Variants in PRKCQ observed in about 807,000 individuals in gnomAD.
PRKCQ encodes the protein protein kinase C theta.
PRKCQ carries 41 observed loss-of-function variants against 91.2 expected under a neutral mutation model. The ratio of observed to expected loss-of-function variants is 0.45; its 90% CI spans 0.35 to 0.58. PRKCQ has a LOEUF of 0.58. PRKCQ is among the 20% of genes least tolerant of loss of function. The pLI is 0.00. For synonymous variants in PRKCQ, 307 were observed against 316.9 expected, an observed-to-expected ratio of 0.97 and a Z score of 0.33; for missense variants, 673 against 896.5, an observed-to-expected ratio of 0.75 and a Z score of 3.18.
chr10:6,563,416 G>A (rs758763585), intron 1 of PRKCQ, among the ~76,000 whole-genome samples: 16 of 152,012 alleles, frequency 1.1e-4, no homozygotes, highest in Non-Finnish European at 1.8e-4. Flanking sequence ...TCCATGGCCC[G>A]TCCTGATGTT....
At chr10:6,448,775 TAATA>T (rs1834471353) in intron 15 of PRKCQ, among the ~76,000 whole-genome samples, 1 of 152,088 alleles carries the variant, frequency 6.6e-6, no homozygotes, top group Non-Finnish European at 1.5e-5. Context: ...TTTGTAGTAT[TAATA>T]AATATAGTTC....
chr10:6,542,063 G>C (rs2130917914), intron 1 of PRKCQ, among the ~76,000 whole-genome samples: 1 of 152,328 alleles, frequency 6.6e-6, no homozygotes, highest in South Asian at 2.1e-4. Context: ...AGAAGCCTGG[G>C]ATGCACACAT....
intron 1 of PRKCQ, among the ~76,000 whole-genome samples, chr10:6,545,935 T>G (rs111276809): frequency 5.9e-5 from 9 of 151,308 alleles, no homozygotes; most frequent in African/African-American, 2.2e-4. Flanking sequence ...ACCCAGGAGG[T>G]GGAGGTTGCA....
At position 6,485,195 on chromosome 10, in the gene PRKCQ, T is replaced by C; in HGVS notation, c.975A>G (p.Lys325=). Residue 325 remains lysine, a synonymous_variant, in exon 10 of 18, where the codon AAA becomes AAG. Transcript: ENST00000263125. Reference sequence around the variant, plus strand: ...GTAAACATGGCGGCCTTGCTTCATTTTTGATGGAGCATGGGAGACCAATTT... The same window carrying C: ...GTAAACATGGCGGCCTTGCTTCATTCTTGATGGAGCATGGGAGACCAATTT... The part of the protein sequence containing the change: ...PVEIGLPCSI[K]NEARPPCLPT... 1 of 1,614,064 alleles carries C rather than the reference T, an allele frequency of 6.2e-7. No homozygotes were observed.
the PRKCQ span, among the ~76,000 whole-genome samples, chr10:6,410,046 C>G: frequency 6.6e-6 from 1 of 152,142 alleles, no homozygotes; most frequent in African/African-American, 2.4e-5. Context: ...GGAAGGAGTG[C>G]AAGTCAGCCC....
chr10:6,413,537 GCA>G, the PRKCQ span, among the ~76,000 whole-genome samples: 30 of 56,946 alleles, frequency 5.3e-4, 2 homozygotes, highest in African/African-American at 1.4e-3. Flanking sequence ...TGCCACTTGT[GCA>G]CACACACACA....
At chr10:6,395,164 C>T in the PRKCQ span, among the ~76,000 whole-genome samples, 6 of 149,930 alleles carry the variant, frequency 4.0e-5, no homozygotes, top group East Asian at 7.8e-4. Flanking sequence ...CCCGGGTTCA[C>T]GCCATTCTCC....
At chr10:6,445,131 A>ATC (rs1362930907) in intron 15 of PRKCQ, among the ~76,000 whole-genome samples, 9,718 of 98,550 alleles carry the variant, frequency 0.099, 770 homozygotes, top group East Asian at 0.38. Context: ...CAAAAAAAAA[A>ATC]AAAAAAAAAA....
At chr10:6,478,627 C>T (rs1195567904) in intron 12 of PRKCQ, among the ~76,000 whole-genome samples, 2 of 152,202 alleles carry the variant, frequency 1.3e-5, no homozygotes, top group Non-Finnish European at 2.9e-5. Context: ...GCGTTTTGAT[C>T]TATTTTCCAA....
intron 1 of PRKCQ, among the ~76,000 whole-genome samples, chr10:6,517,588 C>CTTTTTTTTTTTTTTTTTTTTTTTTTTTT (rs56306878): frequency 2.0e-5 from 1 of 49,482 alleles, no homozygotes; most frequent in Non-Finnish European, 3.5e-5. Context: ...AAGATAGCAT[C>CTTTTTTTTTTTTTTTTTTTTTTTTTTTT]TTTTTTTTTT....
the PRKCQ span, among the ~76,000 whole-genome samples, chr10:6,420,459 C>T: frequency 6.6e-6 from 1 of 152,276 alleles, no homozygotes; most frequent in East Asian, 1.9e-4. Context: ...TCCATGGGAT[C>T]CTTGGTTTCC....
the PRKCQ span, among the ~76,000 whole-genome samples, chr10:6,418,554 C>T: frequency 1.1e-4 from 16 of 152,188 alleles, no homozygotes; most frequent in Admixed American, 2.0e-4. Context: ...TATCCTCACC[C>T]GACCCCTGGC....
chr10:6,479,097 G>A lies in PRKCQ; in HGVS notation c.1248C>T (p.Val416=). 1 of 1,614,172 alleles carries A rather than the reference G, an allele frequency of 6.2e-7. No homozygotes were observed. The highest frequency in any genetic ancestry group is 8.5e-7 in the Non-Finnish European group (1 of 1,180,016). Residue 416 remains valine, a synonymous_variant, in exon 12 of 18, where the codon GTC becomes GTT. Coordinates refer to ENST00000263125, the MANE Select transcript of PRKCQ (RefSeq NM_006257.5). ...TGCACTCAACATCATCGTCCATCAA[G>A]ACCACATCTTTCTTTAAGGCCTTTA... ...FAIKALKKDV[V]LMDDDVECTM...
chr10:6,580,643 A>G (rs1841448794), upstream of PRKCQ: 1 of 152,238 alleles, frequency 6.6e-6, no homozygotes. Flanking sequence ...GCGAGAGGCC[A>G]CATGTCTCCC....
chr10:6,547,022 G>A (rs544473925), intron 1 of PRKCQ, among the ~76,000 whole-genome samples: 5 of 152,182 alleles, frequency 3.3e-5, no homozygotes, highest in South Asian at 2.1e-4. Flanking sequence ...CTGTTTATAC[G>A]CTGGATTACA....
chr10:6,396,628 T>C, the PRKCQ span, among the ~76,000 whole-genome samples: 2 of 152,260 alleles, frequency 1.3e-5, no homozygotes, highest in Admixed American at 6.5e-5. Flanking sequence ...TTCCTTTTTA[T>C]TGCTGAGTAG....
chr10:6,558,386 T>C (rs1357137896), intron 1 of PRKCQ, among the ~76,000 whole-genome samples: 1 of 152,166 alleles, frequency 6.6e-6, no homozygotes, highest in Admixed American at 6.5e-5. Flanking sequence ...TTTGTTTTTT[T>C]TAAAAAAGGC....
intron 1 of PRKCQ, among the ~76,000 whole-genome samples, chr10:6,572,274 G>A (rs1335236693): frequency 3.4e-5 from 4 of 118,976 alleles, no homozygotes; most frequent in Non-Finnish European, 8.0e-5. Context: ...GGACGTGCAG[G>A]TTTGTTACAT....
intron 15 of PRKCQ, among the ~76,000 whole-genome samples, chr10:6,451,795 T>A (rs1457325223): frequency 1.3e-5 from 2 of 152,144 alleles, no homozygotes; most frequent in Non-Finnish European, 2.9e-5. Flanking sequence ...ATAAATGTAA[T>A]CCAGCATATA....
Sources: gnomAD v4.1 joint callset for allele counts (sites outside exome capture counted in the v4.1 genomes callset) on GRCh38, gnomAD v4.1.1 for gene constraint, MANE v1.5 for transcripts, NCBI Gene and HGNC (gene_info 2026-07-23, HGNC 2026-07-21) for gene names.